The following CNTN5 variants were observed in gnomAD, a reference collection of about 807,000 sequenced individuals.
The protein encoded by CNTN5 is contactin-5.
A neutral mutation model predicts 129.1 loss-of-function variants in CNTN5; 77 were observed. The ratio of observed to expected loss-of-function variants is 0.60; its 90% CI spans 0.50 to 0.72. CNTN5 has a LOEUF of 0.72. Ranked by LOEUF, CNTN5 falls within the 30% of genes least tolerant of loss-of-function variation. The pLI is 0.00. For synonymous variants in CNTN5, 509 were observed against 465.6 expected (o/e 1.09, Z -1.20); for missense variants, 1,478 against 1,328.8 (o/e 1.11, Z -1.75).
At chr11:100,334,257 C>T (rs1331944176) in intron 21 of CNTN5, among the ~76,000 whole-genome samples, 1 of 152,006 alleles carries the variant, frequency 6.6e-6, no homozygotes, top group Non-Finnish European at 1.5e-5. Flanking sequence ...CAACAATGAC[C>T]ATAATGAAAA....
chr11:100,327,586 T>A (rs1951816689), intron 21 of CNTN5, among the ~76,000 whole-genome samples: 2 of 152,196 alleles, frequency 1.3e-5, no homozygotes, highest in African/African-American at 4.8e-5. Context: ...GTTTTACATT[T>A]GTGGGTGTGA....
chr11:99,992,626 G>A (rs182750554), intron 8 of CNTN5, among the ~76,000 whole-genome samples: 1 of 152,256 alleles, frequency 6.6e-6, no homozygotes, highest in African/African-American at 2.4e-5. Context: ...GAACTCTGTT[G>A]CCTGAAATTT....
intron 2 of CNTN5, among the ~76,000 whole-genome samples, chr11:99,410,205 T>C (rs1359046630): frequency 6.6e-6 from 1 of 152,212 alleles, no homozygotes; most frequent in Non-Finnish European, 1.5e-5. Context: ...TATTTTAGTT[T>C]CCTAGCTAGA....
intron 3 of CNTN5, among the ~76,000 whole-genome samples, chr11:99,634,806 A>C (rs1379261869): frequency 6.6e-6 from 1 of 152,182 alleles, no homozygotes; most frequent in East Asian, 1.9e-4. Flanking sequence ...ATTGGAACAG[A>C]AGTAGGCAAG....
chr11:99,900,660 A>G (rs570698863), intron 6 of CNTN5, among the ~76,000 whole-genome samples: 21 of 152,226 alleles, frequency 1.4e-4, no homozygotes, highest in African/African-American at 3.6e-4. Context: ...ATGTCATTAC[A>G]TGCAATGTGG....
chr11:100,010,817 C>T (rs1026439161), intron 9 of CNTN5, among the ~76,000 whole-genome samples: 1 of 152,138 alleles, frequency 6.6e-6, no homozygotes, highest in Non-Finnish European at 1.5e-5. Flanking sequence ...TTTCCTCTGT[C>T]TAAAATATCT....
chr11:100,148,460 A>G (rs1000574908), intron 13 of CNTN5, among the ~76,000 whole-genome samples: 12 of 152,178 alleles, frequency 7.9e-5, no homozygotes, highest in African/African-American at 2.9e-4. Context: ...CTTTAACAAT[A>G]TATCTCTTTC....
rs140873609 is a variant in CNTN5 at position 99,686,804 on chromosome 11, C to T, written c.55+130535C>T. ...TCTCCTTCTAGAATCATACAGTTTC[C>T]CATTTCCAAAAACTAGAGGACACAG... On this transcript the variant is annotated intron_variant, in intron 3 of 24. Transcript: ENST00000524871. Among the ~76,000 whole-genome samples, 353 of 152,222 alleles carry T rather than the reference C, an allele frequency of 2.3e-3. 1 individual carries two copies. The highest frequency in any genetic ancestry group is 6.8e-3 in the Middle Eastern group (2 of 294).
chr11:100,292,648 T>C (rs922585612), intron 18 of CNTN5, among the ~76,000 whole-genome samples: 2 of 151,928 alleles, frequency 1.3e-5, no homozygotes, highest in African/African-American at 2.4e-5. Flanking sequence ...ACTTCTCTAT[T>C]GACAGCTGGG....
chr11:99,587,631 G>A (rs1257833090), intron 3 of CNTN5, among the ~76,000 whole-genome samples: 1 of 152,218 alleles, frequency 6.6e-6, no homozygotes, highest in Non-Finnish European at 1.5e-5. Context: ...AAAGATGTGT[G>A]TGGGAGTGAG....
chr11:99,754,832 A>G (rs1944356011), intron 3 of CNTN5, among the ~76,000 whole-genome samples: 1 of 152,168 alleles, frequency 6.6e-6, no homozygotes, highest in Non-Finnish European at 1.5e-5. Flanking sequence ...ATGGGTTTTG[A>G]CAAATGTAAA....
At chr11:99,066,909 A>C (rs1865127396) in intron 1 of CNTN5, among the ~76,000 whole-genome samples, 1 of 152,150 alleles carries the variant, frequency 6.6e-6, no homozygotes, top group East Asian at 1.9e-4. Flanking sequence ...CACTGGCCCC[A>C]CTAAATTTTC....
At chr11:99,413,915 G>A (rs1942516325) in intron 2 of CNTN5, among the ~76,000 whole-genome samples, 1 of 152,168 alleles carries the variant, frequency 6.6e-6, no homozygotes, top group Non-Finnish European at 1.5e-5. Context: ...TTTTGCTTAT[G>A]CATAAATTAA....
chr11:99,781,565 C>G (rs1392012045), intron 3 of CNTN5, among the ~76,000 whole-genome samples: 1 of 151,984 alleles, frequency 6.6e-6, no homozygotes, highest in Admixed American at 6.6e-5. Flanking sequence ...TATGCACATG[C>G]TTACCCTCTC....
intron 23 of CNTN5, among the ~76,000 whole-genome samples, chr11:100,348,726 T>C (rs1952339950): frequency 6.6e-6 from 1 of 152,026 alleles, no homozygotes; most frequent in Non-Finnish European, 1.5e-5. Context: ...ACAGATATAT[T>C]TGTCACATTT....
chr11:99,556,889 A>G lies in CNTN5; in HGVS notation c.55+620A>G, dbSNP rs1363164622. ...GATACTTTATTCCGAAGAAAAGTTT[A>G]TAGTATTGGTAGTAATAATATCATA... is the stretch of plus-strand genomic sequence containing the variant. On this transcript the variant is annotated intron_variant, in intron 3 of 24. Transcript: ENST00000524871. 2.0e-5 allele frequency among the ~76,000 whole-genome samples: 3 copies of G among 151,296 alleles called. No individual in the cohort carries two copies. The East Asian group carries it at 5.8e-4, about 29-fold the overall frequency.
intron 3 of CNTN5, among the ~76,000 whole-genome samples, chr11:99,591,337 CTTTTTT>C (rs10633238): frequency 8.8e-6 from 1 of 113,100 alleles, no homozygotes; most frequent in African/African-American, 3.3e-5. Context: ...TCAACAAAAC[CTTTTTT>C]TTTTTTTTTT....
At chr11:99,745,512 T>G (rs1944024997) in intron 3 of CNTN5, among the ~76,000 whole-genome samples, 2 of 14,344 alleles carry the variant, frequency 1.4e-4, no homozygotes, top group South Asian at 0.01. Flanking sequence ...CCAGCTTATA[T>G]GGCAGCCTTG....
intron 8 of CNTN5, among the ~76,000 whole-genome samples, chr11:99,982,327 C>A (rs1297622620): frequency 6.6e-6 from 1 of 151,842 alleles, no homozygotes; most frequent in African/African-American, 2.4e-5. Context: ...ACTGATGTTA[C>A]AAGAAAGAAA....
Sources: allele counts gnomAD v4.1 joint callset (sites outside exome capture counted in the v4.1 genomes callset), GRCh38; gene constraint gnomAD v4.1.1; transcripts MANE v1.5; gene names NCBI Gene and HGNC (gene_info 2026-07-23, HGNC 2026-07-21).